Variants in ANKRD13B observed in about 807,000 individuals in gnomAD.
ANKRD13B encodes the protein ankyrin repeat domain-containing protein 13B.
In ANKRD13B, 33 loss-of-function variants were observed where a neutral mutation model predicts 74.4. The ratio of observed to expected loss-of-function variants is 0.44; its 90% confidence interval spans 0.34 to 0.59. The LOEUF is 0.59. ANKRD13B is among the 20% of genes least tolerant of loss of function. The pLI is 0.02. For missense variants in ANKRD13B, 676 were observed against 877.9 expected (o/e 0.77, Z 2.91); for synonymous variants, 341 against 362.9 (o/e 0.94, Z 0.68).
At chr17:29,613,022 A>G in intron 14 of ANKRD13B, 59 bp downstream of exon 14, 1 of 1,558,336 alleles carries the variant, frequency 6.4e-7, no homozygotes, top group Non-Finnish European at 8.6e-7. Flanking sequence ...CCCCTAAGCC[A>G]GGACACAGCC....
Position 29,608,389 on chromosome 17 carries a change from C to T in ANKRD13B, c.421+149C>T. 1.1e-6 allele frequency: 1 copy of T among 910,064 alleles called. No homozygotes were observed. The highest frequency in any genetic ancestry group is 1.7e-5 in the South Asian group (1 of 60,520). The allele number at this position is 910,064 out of a possible 1,614,324, so 56.4% of individuals were successfully genotyped here. On this transcript the variant is annotated intron_variant, in intron 4 of 14. Transcript: ENST00000394859. This position sits in a 1 kb window ranked among gnomAD's most constrained non-coding sequence, Gnocchi z 6.4. ...GGCCACCGCCTCAGCTAGGCCTTTCCAGATTGCCCCAGATACTGTCTTGAC... is the reference window on the plus strand; with the variant it reads ...GGCCACCGCCTCAGCTAGGCCTTTCTAGATTGCCCCAGATACTGTCTTGAC...
At position 29,612,002 on chromosome 17, in the gene ANKRD13B, C is replaced by T; in HGVS notation, c.1096C>T (p.Gln366Ter). The T allele has an allele frequency of 1.2e-6, 2 of 1,611,578 alleles. No individual in the cohort carries two copies. The highest frequency in any genetic ancestry group is 1.7e-6 in the Non-Finnish European group (2 of 1,178,878). The change falls in exon 10 of 15, where the codon CAG (glutamine) becomes TAG (stop). Residue 366 changes from glutamine to a stop codon, truncating the protein, a stop_gained. Transcript: ENST00000394859. LOFTEE classifies it high-confidence loss of function. The surrounding 1 kb of genome is among the most constrained non-coding windows in gnomAD (Gnocchi z 6.1). ...GRPMELTTKT[Q>*]KFKAKLWLCE... Reference sequence around the variant, plus strand: ...CCCCATGGAACTGACCACCAAGACACAGAAGTGAGGCCCCTGCCGGTGCTG... The same window carrying T: ...CCCCATGGAACTGACCACCAAGACATAGAAGTGAGGCCCCTGCCGGTGCTG...
In ANKRD13B at chr17:29,611,328, A is replaced by G. The variant is rs1297120080; in HGVS notation, c.905-251A>G. Among the ~76,000 whole-genome samples the G allele has an allele frequency of 6.6e-6, 1 of 152,186 alleles. No homozygotes were observed. The highest frequency in any genetic ancestry group is 2.4e-5 in the African/African-American group (1 of 41,448). On this transcript the variant is annotated intron_variant, in intron 8 of 14. Coordinates refer to ENST00000394859, the MANE Select transcript of ANKRD13B (RefSeq NM_152345.5). The surrounding 1 kb of genome is among the most constrained non-coding windows in gnomAD (Gnocchi z 4.3). ...CAGGGTCACCGAGCTGGAGAGGAGC[A>G]CTTTTGGAAGTTGCTTCTGACCTCT...
At chr17:29,598,226 G>A (rs1228748689) in intron 1 of ANKRD13B, among the ~76,000 whole-genome samples, 1 of 152,128 alleles carries the variant, frequency 6.6e-6, no homozygotes, top group Non-Finnish European at 1.5e-5. Context: ...GTTTTTTTGA[G>A]GCTCCCAGTA....
In ANKRD13B at chr17:29,612,850, C is replaced by G; in HGVS notation, c.1575+35C>G. 1 of 1,600,286 alleles carries G rather than the reference C, an allele frequency of 6.2e-7. No homozygotes were observed. Reference sequence around the variant, plus strand: ...CGCGGGCGCGCGGGGCCACGGGACTCCGCGCCGCCACGGCTAACGCCCACG... The same window carrying G: ...CGCGGGCGCGCGGGGCCACGGGACTGCGCGCCGCCACGGCTAACGCCCACG... On this transcript the variant is annotated intron_variant, in intron 13 of 14. Coordinates refer to ENST00000394859, the MANE Select transcript of ANKRD13B (RefSeq NM_152345.5). The surrounding 1 kb of genome is among the most constrained non-coding windows in gnomAD (Gnocchi z 6.1).
Position 29,612,242 on chromosome 17 carries a change from G to T in ANKRD13B, c.1227G>T (p.Leu409=), listed in dbSNP as rs1430837679. ...LFAKLRDFIT[L]RLPPGFPVKI... The stretch of plus-strand genomic sequence containing the variant: ...CCAAGCTCCGGGACTTCATCACCCT[G>T]CGTCTGCCTCCTGGCTTCCCAGTTA... The change falls in exon 11 of 15, where the codon CTG becomes CTT. Residue 409 remains leucine, a synonymous_variant. Coordinates refer to ENST00000394859, the MANE Select transcript of ANKRD13B (RefSeq NM_152345.5). The surrounding 1 kb of genome is among the most constrained non-coding windows in gnomAD (Gnocchi z 6.1). 6.2e-7 allele frequency: 1 copy of T among 1,613,970 alleles called. No homozygotes were observed.
chr17:29,593,258 G>C lies in ANKRD13B; in HGVS notation c.-364G>C, dbSNP rs1318831645. Among the ~76,000 whole-genome samples, 4 of 149,054 alleles carry C rather than the reference G, an allele frequency of 2.7e-5. No homozygotes were observed. The highest frequency in any genetic ancestry group is 7.3e-5 in the African/African-American group (3 of 41,048). ...CCCTGCGGCGGCGTCCCCGGGGCCC[G>C]CGTCCCGTGCGCCCCCGCGCCCGCT... On this transcript the variant is annotated 5_prime_UTR_variant, in exon 1 of 15. Coordinates refer to ENST00000394859, the MANE Select transcript of ANKRD13B (RefSeq NM_152345.5).
In ANKRD13B at chr17:29,611,748, A is replaced by G. The variant is rs2150903213; in HGVS notation, c.969+105A>G. On this transcript the variant is annotated intron_variant, in intron 9 of 14. Coordinates refer to ENST00000394859, the MANE Select transcript of ANKRD13B (RefSeq NM_152345.5). This position sits in a 1 kb window ranked among gnomAD's most constrained non-coding sequence, Gnocchi z 4.3. ...CATGGCCTATGTGGACCTCCTTTCC[A>G]CAATGCCCAAGGCCATGTCAGCGCC... The G allele has an allele frequency of 6.3e-7, 1 of 1,578,284 alleles. No individual in the cohort carries two copies. The highest frequency in any genetic ancestry group is 2.3e-5 in the East Asian group (1 of 44,310).
At chr17:29,601,224 CT>C (rs534601119) in intron 1 of ANKRD13B, among the ~76,000 whole-genome samples, 418 of 122,056 alleles carry the variant, frequency 3.4e-3, no homozygotes, top group Middle Eastern at 0.014. Flanking sequence ...GCCTGACATT[CT>C]TTTTTTTTTT....
At position 29,593,738 on chromosome 17, in the gene ANKRD13B, AGGAGCGCCTTC is replaced by A; in HGVS notation, c.114+6_114+16del. 1.4e-6 allele frequency: 2 copies of A among 1,395,572 alleles called. No individual in the cohort carries two copies. Among genetic ancestry groups the A allele is most frequent in the Non-Finnish European group, 9.4e-7 (1 of 1,064,318 alleles). The allele number at this position is 1,395,572 out of a possible 1,614,324, so 86.4% of individuals were successfully genotyped here. A position where few individuals can be genotyped will look rare whatever the true frequency, so the allele number is the denominator to read the frequency against. ...AGAAGGAGGTCCGCGCGGGCCAGGT[AGGAGCGCCTTC>A]GGGGCGCCGCGGGGACCCCGCGGCC... On this transcript the variant is annotated splice_donor_5th_base_variant and intron_variant, in intron 1 of 14. Transcript: ENST00000394859.
chr17:29,601,378 C>T lies in ANKRD13B; in HGVS notation c.115-6364C>T, dbSNP rs961295952. On this transcript the variant is annotated intron_variant, in intron 1 of 14. Coordinates refer to ENST00000394859, the MANE Select transcript of ANKRD13B (RefSeq NM_152345.5). ...CTGGGATTACAGGAATCCCCCACCA[C>T]GCCCAGCTAATTTTTGTATTTTTAG... 5.3e-5 allele frequency among the ~76,000 whole-genome samples: 8 copies of T among 152,052 alleles called. 1 individual carries two copies. Among genetic ancestry groups the T allele is most frequent in the Admixed American group, 1.3e-4 (2 of 15,266 alleles).
Position 29,613,325 on chromosome 17 carries a change from A to T in ANKRD13B, c.1653-29A>T, listed in dbSNP as rs1032284044. ...CGGCCGGTGGGTGGGTGCGCCCGGGAGCCCGCGACATTCCTTCCCCACCCC... is the reference window on the plus strand; with the variant it reads ...CGGCCGGTGGGTGGGTGCGCCCGGGTGCCCGCGACATTCCTTCCCCACCCC... On this transcript the variant is annotated intron_variant, in intron 14 of 14. Transcript: ENST00000394859. 6 of 1,400,802 alleles carry T rather than the reference A, an allele frequency of 4.3e-6. No homozygotes were observed. The African/African-American group carries it at 9.1e-5, about 21-fold the overall frequency. The allele number at this position is 1,400,802 out of a possible 1,614,324, so 86.8% of individuals were successfully genotyped here.
chr17:29,598,010 G>A (rs2034016614), intron 1 of ANKRD13B, among the ~76,000 whole-genome samples: 1 of 152,196 alleles, frequency 6.6e-6, no homozygotes, highest in Non-Finnish European at 1.5e-5. Context: ...AGCATCTGGG[G>A]CAGGGCTGGG....
chr17:29,610,554 C>G (rs1022229870), intron 7 of ANKRD13B, 131 bp from the exon 8 acceptor site: 3 of 616,648 alleles, frequency 4.9e-6, no homozygotes, highest in African/African-American at 3.8e-5. Context: ...CTCATATATT[C>G]ACTTACCCAA....
intron 1 of ANKRD13B, 33 bp downstream of exon 1, chr17:29,593,768 C>A (rs1308501298): frequency 2.3e-6 from 3 of 1,313,722 alleles, no homozygotes; most frequent in Middle Eastern, 2.7e-4. Context: ...GCGGGGACCC[C>A]GCGGCCGGGC....
intron 1 of ANKRD13B, among the ~76,000 whole-genome samples, chr17:29,607,219 C>T (rs540736819): frequency 6.6e-6 from 1 of 152,318 alleles, no homozygotes; most frequent in East Asian, 1.9e-4. Context: ...TGTATTAATA[C>T]CATGAACTTG....
chr17:29,609,747 C>A lies in ANKRD13B; in HGVS notation c.822+326C>A, dbSNP rs1213633987. Among the ~76,000 whole-genome samples, 2 of 152,128 alleles carry A rather than the reference C, an allele frequency of 1.3e-5. No individual in the cohort carries two copies. Among genetic ancestry groups the A allele is most frequent in the African/African-American group, 4.8e-5 (2 of 41,404 alleles). ...ATCCCATTTACTCTTCACAACAACC[C>A]CAGGAAGTAGGGATGATCGGTCCAT... is the stretch of plus-strand genomic sequence containing the variant. On this transcript the variant is annotated intron_variant, in intron 7 of 14. Coordinates refer to ENST00000394859, the MANE Select transcript of ANKRD13B (RefSeq NM_152345.5). The surrounding 1 kb of genome is among the most constrained non-coding windows in gnomAD (Gnocchi z 4.0).
rs1022903413 is a variant in ANKRD13B at position 29,593,626 on chromosome 17, T to A, written c.5T>A (p.Ile2Asn). 1.4e-5 allele frequency: 19 copies of A among 1,364,840 alleles called. No homozygotes were observed. The highest frequency in any genetic ancestry group is 1.6e-5 in the Non-Finnish European group (17 of 1,043,896). 84.5% of individuals were successfully genotyped at this position (1,364,840 alleles called of 1,614,324 possible). A position where few individuals can be genotyped will look rare whatever the true frequency, so the allele number is the denominator to read the frequency against. ...CCCCGGCATGAGGAGCGGGCGATGA[T>A]CCCCGCCAACGCCTCCGCCAGGAAG... M[I>N]PANASARKGP... is the part of the protein sequence containing the mutation. Residue 2 changes from isoleucine (I) to asparagine (N), a missense_variant, in exon 1 of 15, where the codon ATC becomes AAC. By Grantham distance (149) the Ile-to-Asn change is moderately radical. This residue lies in a region of ANKRD13B where 88 missense variants were observed against 87.8 expected (regional missense o/e 1.00). Transcript: ENST00000394859.
intron 1 of ANKRD13B, among the ~76,000 whole-genome samples, chr17:29,597,696 A>G (rs1056998471): frequency 3.9e-5 from 6 of 152,124 alleles, no homozygotes; most frequent in Non-Finnish European, 7.4e-5. Context: ...GCCCAGGGCA[A>G]GGTGCCACTT....
Sources: gnomAD v4.1 joint callset for allele counts (sites outside exome capture counted in the v4.1 genomes callset) on GRCh38, gnomAD v4.1.1 for gene constraint, gnomAD v4.1.1 regional missense constraint, Gnocchi (gnomAD v3.1) non-coding constraint, MANE v1.5 for transcripts, NCBI Gene and HGNC (gene_info 2026-07-23, HGNC 2026-07-21) for gene names.